Variants in FHIT observed in about 807,000 individuals in gnomAD.
FHIT encodes the protein bis(5'-adenosyl)-triphosphatase.
In FHIT, 19 loss-of-function variants were observed where a neutral mutation model predicts 17.9. The ratio of observed to expected loss-of-function variants is 1.06; its 90% CI spans 0.74 to 1.56. The LOEUF (loss-of-function observed/expected upper bound fraction) is 1.56, where lower values mean the gene tolerates loss of function less well. Ranked by LOEUF, FHIT falls within the 40% of genes most tolerant of loss-of-function variation. FHIT has a pLI of 0.00. For missense variants in FHIT, 248 were observed against 189.2 expected (o/e 1.31, Z -1.82); for synonymous variants, 81 against 69.7 (o/e 1.16, Z -0.81).
intron 2 of FHIT, among the ~76,000 whole-genome samples, chr3:61,094,508 C>T (rs772270393): frequency 6.6e-5 from 10 of 152,120 alleles, no homozygotes; most frequent in Non-Finnish European, 1.3e-4. Flanking sequence ...CCTGGTTATC[C>T]GCAGGACAGA....
intron 4 of FHIT, among the ~76,000 whole-genome samples, chr3:60,574,230 C>CT (rs1207488091): frequency 6.6e-6 from 1 of 152,076 alleles, no homozygotes; most frequent in Non-Finnish European, 1.5e-5. Context: ...GAGCCCTCTC[C>CT]TTTTATCCTG....
intron 8 of FHIT, among the ~76,000 whole-genome samples, chr3:59,790,754 C>G (rs1699520458): frequency 6.6e-6 from 1 of 152,152 alleles, no homozygotes; most frequent in Non-Finnish European, 1.5e-5. Context: ...GTCTCCCCAA[C>G]ACTGTAATAT....
Position 60,785,526 on chromosome 3 carries a change from C to T in FHIT, c.-18+36393G>A, listed in dbSNP as rs192784820. Among the ~76,000 whole-genome samples, 680 of 152,254 alleles carry T rather than the reference C, an allele frequency of 4.5e-3. 5 individuals are homozygous for T. Among genetic ancestry groups the T allele is most frequent in the African/African-American group, 0.016 (645 of 41,564 alleles). The stretch of plus-strand genomic sequence containing the variant: ...CAGAGGGTTTATTTACTATTGCAGC[C>T]TGGCTCTCTGCTGTGTCTGAAAGTT... On this transcript the variant is annotated intron_variant, in intron 4 of 9. Transcript: ENST00000492590.
At chr3:60,535,678 A>G (rs746890942) in intron 5 of FHIT, 2 of 152,028 alleles carry the variant, frequency 1.3e-5, no homozygotes, top group Non-Finnish European at 2.9e-5. Context: ...AAAAGCTTAC[A>G]TATTTACTAG....
chr3:60,414,827 A>T (rs1194687298), intron 5 of FHIT, among the ~76,000 whole-genome samples: 1 of 152,210 alleles, frequency 6.6e-6, no homozygotes, highest in Non-Finnish European at 1.5e-5. Context: ...ATAAGTAAAG[A>T]AGATACCCTT....
intron 5 of FHIT, among the ~76,000 whole-genome samples, chr3:60,124,141 C>A (rs543306955): frequency 1.3e-5 from 2 of 149,178 alleles, no homozygotes; most frequent in Admixed American, 1.3e-4. Context: ...TAGCTTTGAA[C>A]TCCTGGGTTC....
chr3:59,905,106 G>T (rs1437553495), intron 8 of FHIT, among the ~76,000 whole-genome samples: 6 of 152,162 alleles, frequency 3.9e-5, no homozygotes, highest in Admixed American at 3.9e-4. Flanking sequence ...TTTCACTGGG[G>T]ACCCACCCCT....
At chr3:60,051,842 A>T (rs1330596947) in intron 5 of FHIT, among the ~76,000 whole-genome samples, 1 of 152,174 alleles carries the variant, frequency 6.6e-6, no homozygotes, top group Non-Finnish European at 1.5e-5. Flanking sequence ...CAGGAAAAAA[A>T]TAAAACAAAC....
intron 5 of FHIT, among the ~76,000 whole-genome samples, chr3:60,206,149 A>AATAATAATAATAATAATAATAATAATGAT (rs1553712155): frequency 1.1e-5 from 1 of 94,142 alleles, no homozygotes; most frequent in South Asian, 3.0e-4. Flanking sequence ...AAAAAAAAAT[A>AATAATAATAATAATAATAATAATAATGAT]AATAATAATA....
intron 2 of FHIT, among the ~76,000 whole-genome samples, chr3:61,094,436 A>T (rs1489203995): frequency 2.6e-5 from 4 of 152,194 alleles, no homozygotes; most frequent in African/African-American, 9.7e-5. Flanking sequence ...ATCTTAGAGC[A>T]ATAAAATTAG....
chr3:60,406,141 C>T (rs1285379893), intron 5 of FHIT, among the ~76,000 whole-genome samples: 1 of 152,170 alleles, frequency 6.6e-6, no homozygotes, highest in African/African-American at 2.4e-5. Flanking sequence ...ATTATATATG[C>T]TCCACCACTC....
intron 5 of FHIT, among the ~76,000 whole-genome samples, chr3:60,040,654 A>G (rs1274224437): frequency 6.6e-6 from 1 of 152,174 alleles, no homozygotes; most frequent in Non-Finnish European, 1.5e-5. Context: ...AGAACTGCGG[A>G]GGCTAAGCCT....
intron 4 of FHIT, among the ~76,000 whole-genome samples, chr3:60,585,756 C>A (rs1408402030): frequency 1.3e-5 from 2 of 151,970 alleles, no homozygotes; most frequent in African/African-American, 2.4e-5. Context: ...GAATCAATTA[C>A]CTAGGACCCT....
intron 5 of FHIT, among the ~76,000 whole-genome samples, chr3:60,134,465 G>A (rs187523314): frequency 1.3e-4 from 20 of 152,312 alleles, no homozygotes; most frequent in Admixed American, 4.6e-4. Flanking sequence ...CACAGTTTCT[G>A]GGCGTGGGGC....
rs188925339 is a variant in FHIT at position 59,981,442 on chromosome 3, T to C, written c.279+29929A>G. The stretch of plus-strand genomic sequence containing the variant: ...TGACAAATTCAATATCCAAATTCTA[T>C]TGCTGCCCTTGAACTGTGCTCTCTG... On this transcript the variant is annotated intron_variant, in intron 7 of 9. Coordinates refer to ENST00000492590, the MANE Select transcript of FHIT (RefSeq NM_002012.4). Among the ~76,000 whole-genome samples the C allele has an allele frequency of 1.9e-3, 284 of 152,272 alleles. 2 individuals carry two copies. Among genetic ancestry groups the C allele is most frequent in the African/African-American group, 4.7e-3 (196 of 41,556 alleles).
chr3:60,066,630 A>ATTTTTTTTTTTTTTTTTTTTTT (rs71089574), intron 5 of FHIT, among the ~76,000 whole-genome samples: 2 of 51,422 alleles, frequency 3.9e-5, no homozygotes, highest in East Asian at 7.5e-4. Context: ...TCCCTGACAA[A>ATTTTTTTTTTTTTTTTTTTTTT]TTTTTTTTTT....
chr3:60,504,749 A>G (rs2034660896), intron 5 of FHIT, among the ~76,000 whole-genome samples: 2 of 152,198 alleles, frequency 1.3e-5, no homozygotes, highest in African/African-American at 2.4e-5. Flanking sequence ...GAAGGATAAA[A>G]TGTTTCCTTA....
At chr3:60,202,781 G>C (rs1349132990) in intron 5 of FHIT, among the ~76,000 whole-genome samples, 1 of 152,104 alleles carries the variant, frequency 6.6e-6, no homozygotes, top group Non-Finnish European at 1.5e-5. Context: ...GGGGTTTTAT[G>C]TATGCTCTGT....
At chr3:61,230,644 C>G (rs1250351408) in intron 1 of FHIT, among the ~76,000 whole-genome samples, 1 of 152,060 alleles carries the variant, frequency 6.6e-6, no homozygotes, top group African/African-American at 2.4e-5. Flanking sequence ...TTGCTAAGGA[C>G]CAGTTGACAA....
Sources: allele counts gnomAD v4.1 joint callset (sites outside exome capture counted in the v4.1 genomes callset), GRCh38; gene constraint gnomAD v4.1.1; transcripts MANE v1.5; gene names NCBI Gene and HGNC (gene_info 2026-07-23, HGNC 2026-07-21).